Variants in UBR3 observed in about 807,000 individuals in gnomAD.
UBR3 encodes the protein ubiquitin protein ligase E3 component n-recognin 3.
A neutral mutation model predicts 243.2 loss-of-function variants in UBR3; 85 were observed. That is an observed-to-expected ratio of 0.35 (90% confidence interval 0.29 to 0.42). The LOEUF is 0.42. UBR3 is among the 10% of genes least tolerant of loss of function. The probability of loss-of-function intolerance (pLI) is 1.00; values close to 1 mark genes in which losing one functional copy is unlikely to be tolerated. For missense variants in UBR3, 1,686 were observed against 2,300.8 expected, an observed-to-expected ratio of 0.73 and a Z score of 5.47; for synonymous variants, 748 against 799.8, an observed-to-expected ratio of 0.94 and a Z score of 1.09.
Position 169,865,809 on chromosome 2 carries a change from A to C in UBR3, c.546-6427A>C, listed in dbSNP as rs946974517. On this transcript the variant is annotated intron_variant, in intron 1 of 38. Transcript: ENST00000272793. ...TTTAATTAAGTTGTCTTTGATCACA[A>C]CTAGCTCTCTAATCTGTCACACAGG... Among the ~76,000 whole-genome samples the C allele has an allele frequency of 2.6e-5, 4 of 152,258 alleles. No homozygotes were observed. In the East Asian group the frequency reaches 7.7e-4, roughly 29 times the overall value.
At chr2:169,970,177 A>G (rs2088044456) in intron 24 of UBR3, among the ~76,000 whole-genome samples, 2 of 146,142 alleles carry the variant, frequency 1.4e-5, no homozygotes, top group African/African-American at 5.0e-5. Flanking sequence ...TTCTTTCATC[A>G]GTGTTTTATA....
chr2:170,004,835 C>T (rs950412270), intron 27 of UBR3, among the ~76,000 whole-genome samples: 1 of 151,888 alleles, frequency 6.6e-6, no homozygotes, highest in Non-Finnish European at 1.5e-5. Context: ...TGCTTAAACC[C>T]GGGAGGTGGA....
intron 5 of UBR3, 134 bp downstream of exon 5, chr2:169,878,708 C>G: frequency 2.4e-6 from 2 of 828,662 alleles, no homozygotes; most frequent in Non-Finnish European, 3.7e-6. Flanking sequence ...GTTTCTCATT[C>G]TATAGACAAG....
chr2:169,860,851 C>T (rs939853396), intron 1 of UBR3, among the ~76,000 whole-genome samples: 2 of 152,094 alleles, frequency 1.3e-5, no homozygotes, highest in African/African-American at 4.8e-5. Context: ...AGCAAGGAAG[C>T]CAGTGGTGGA....
intron 32 of UBR3, among the ~76,000 whole-genome samples, chr2:170,043,502 G>T (rs1353710128): frequency 6.6e-6 from 1 of 152,134 alleles, no homozygotes; most frequent in Non-Finnish European, 1.5e-5. Context: ...TAAATAAATA[G>T]AATAAATTCA....
chr2:170,047,962 G>C (rs896258250), intron 32 of UBR3, among the ~76,000 whole-genome samples: 2 of 152,072 alleles, frequency 1.3e-5, no homozygotes, highest in Non-Finnish European at 2.9e-5. Flanking sequence ...CTTAATAATG[G>C]CCCCAAAGCA....
At chr2:170,038,245 T>G (rs1225790452) in intron 31 of UBR3, among the ~76,000 whole-genome samples, 1 of 152,140 alleles carries the variant, frequency 6.6e-6, no homozygotes, top group Admixed American at 6.6e-5. Context: ...TGCATAAGAG[T>G]GAAATTGGGC....
chr2:170,018,939 A>T (rs981377944), intron 30 of UBR3, among the ~76,000 whole-genome samples: 7 of 152,204 alleles, frequency 4.6e-5, no homozygotes, highest in Non-Finnish European at 8.8e-5. Context: ...TGATATTCTC[A>T]GTGTATTTCT....
chr2:170,060,319 AT>A (rs2091432295), intron 33 of UBR3, among the ~76,000 whole-genome samples: 1 of 152,140 alleles, frequency 6.6e-6, no homozygotes, highest in Admixed American at 6.5e-5. Context: ...AAAAGCCATT[AT>A]TTTTTCTTTC....
At chr2:170,067,981 G>A (rs1335157939) in intron 35 of UBR3, among the ~76,000 whole-genome samples, 1 of 151,722 alleles carries the variant, frequency 6.6e-6, no homozygotes, top group Non-Finnish European at 1.5e-5. Flanking sequence ...CGTTGGGCAG[G>A]ATGGTCTTGA....
chr2:170,027,774 T>G (rs2090569020), intron 30 of UBR3, among the ~76,000 whole-genome samples: 1 of 151,956 alleles, frequency 6.6e-6, no homozygotes, highest in Non-Finnish European at 1.5e-5. Context: ...ATATGCTTAG[T>G]AGTCTCATAT....
At chr2:170,037,164 A>G (rs1460513678) in intron 31 of UBR3, among the ~76,000 whole-genome samples, 1 of 152,152 alleles carries the variant, frequency 6.6e-6, no homozygotes. Flanking sequence ...TTCCTACATT[A>G]TAGGCCTGAT....
chr2:169,865,894 A>C (rs1006954519), intron 1 of UBR3, among the ~76,000 whole-genome samples: 1 of 152,126 alleles, frequency 6.6e-6, no homozygotes, highest in African/African-American at 2.4e-5. Context: ...TAACGCCTGT[A>C]ATCCCAGCAC....
chr2:169,969,012 T>C (rs2087959067), intron 24 of UBR3, among the ~76,000 whole-genome samples: 1 of 152,194 alleles, frequency 6.6e-6, no homozygotes, highest in East Asian at 1.9e-4. Flanking sequence ...AAATGACTTA[T>C]CAGATAATTT....
At chr2:169,890,579 A>ACG (rs1553504577) in intron 5 of UBR3, among the ~76,000 whole-genome samples, 1 of 61,288 alleles carries the variant, frequency 1.6e-5, no homozygotes, top group African/African-American at 7.3e-5. Context: ...ATATATATAT[A>ACG]TGTATATATA....
chr2:169,982,971 CAG>C (rs2088809540), intron 24 of UBR3, among the ~76,000 whole-genome samples: 1 of 152,126 alleles, frequency 6.6e-6, no homozygotes, highest in Non-Finnish European at 1.5e-5. Flanking sequence ...GATTGGTTAA[CAG>C]GGGGCTGCCA....
At chr2:169,910,404 A>G (rs2085206164) in intron 10 of UBR3, among the ~76,000 whole-genome samples, 1 of 152,168 alleles carries the variant, frequency 6.6e-6, no homozygotes, top group Non-Finnish European at 1.5e-5. Context: ...TAGGAAGATT[A>G]TTCTGACTAC....
intron 29 of UBR3, chr2:170,013,778 A>G (rs1441061166): frequency 3.3e-6 from 1 of 306,370 alleles, no homozygotes; most frequent in African/African-American, 2.2e-5. Flanking sequence ...AGCTCTCTTA[A>G]AAGTACTATC....
chr2:169,969,676 G>C (rs1481768213), intron 24 of UBR3, among the ~76,000 whole-genome samples: 1 of 151,320 alleles, frequency 6.6e-6, no homozygotes, highest in African/African-American at 2.4e-5. Context: ...AGCCTCCCAA[G>C]CAGCTGGGAC....
Sources: gnomAD v4.1 joint callset for allele counts (sites outside exome capture counted in the v4.1 genomes callset) on GRCh38, gnomAD v4.1.1 for gene constraint, MANE v1.5 for transcripts, NCBI Gene and HGNC (gene_info 2026-07-23, HGNC 2026-07-21) for gene names.